Variants in PRR14L observed in about 807,000 individuals in gnomAD.
PRR14L encodes protein PRR14L.
Under a neutral mutation model 155.0 loss-of-function variants are expected in PRR14L, and 80 were observed. That is an observed-to-expected ratio of 0.52 (90% confidence interval 0.43 to 0.62). The LOEUF is 0.62. Among genes scored for constraint, PRR14L ranks in the 20% least tolerant of loss-of-function variants. The pLI, the probability that PRR14L is intolerant of heterozygous loss-of-function variation, is 0.00. For missense variants in PRR14L, 2,469 were observed against 2,548.0 expected (o/e 0.97, Z 0.67); for synonymous variants, 883 against 916.0 (o/e 0.96, Z 0.65).
Position 31,716,104 on chromosome 22 carries a change from C to A in PRR14L, c.1735G>T (p.Asp579Tyr). Residue 579 changes from aspartate to tyrosine, a missense_variant, in exon 4 of 9, where the codon GAT becomes TAT. Coordinates refer to ENST00000327423, the MANE Select transcript of PRR14L (RefSeq NM_173566.3). ...RKSIVSLMPEDQISPVSEVLK... is the reference protein window; with the variant it reads ...RKSIVSLMPEYQISPVSEVLK... Reference sequence around the variant, plus strand: ...ACCTCACTTACAGGACTTATTTGATCCTCTGGCATTAAACTCACAATGGAT... The same window carrying A: ...ACCTCACTTACAGGACTTATTTGATACTCTGGCATTAAACTCACAATGGAT... 6.4e-7 allele frequency: 1 copy of A among 1,551,164 alleles called. No individual in the cohort carries two copies. The highest frequency in any genetic ancestry group is 8.7e-7 in the Non-Finnish European group (1 of 1,146,846).
chr22:31,739,093 C>T (rs900478782), intron 1 of PRR14L, among the ~76,000 whole-genome samples, 182 bp from the exon 2 acceptor site: 18 of 152,166 alleles, frequency 1.2e-4, no homozygotes, highest in South Asian at 2.1e-4. Flanking sequence ...CCTTTAATAA[C>T]GTTTGAGATT....
At chr22:31,730,813 G>A (rs1035422578) in intron 2 of PRR14L, among the ~76,000 whole-genome samples, 2 of 152,088 alleles carry the variant, frequency 1.3e-5, no homozygotes, top group Non-Finnish European at 2.9e-5. Context: ...ATATTAATTG[G>A]AATTCTGTAA....
intron 4 of PRR14L, among the ~76,000 whole-genome samples, chr22:31,706,268 C>A (rs2074590532): frequency 6.8e-6 from 1 of 146,146 alleles, no homozygotes; most frequent in Admixed American, 7.0e-5. Flanking sequence ...GAGGGTGAGG[C>A]AGGAGAACTG....
intron 1 of PRR14L, among the ~76,000 whole-genome samples, chr22:31,745,936 T>C (rs947935792): frequency 2.0e-5 from 3 of 151,618 alleles, no homozygotes; most frequent in African/African-American, 7.3e-5. Flanking sequence ...TATCTGTATG[T>C]TGAACTTTTT....
intron 1 of PRR14L, among the ~76,000 whole-genome samples, chr22:31,740,224 T>G (rs987828699): frequency 2.0e-5 from 3 of 150,132 alleles, no homozygotes; most frequent in Non-Finnish European, 4.5e-5. Flanking sequence ...CCTGGCTAAT[T>G]TTTTTATTTT....
intron 6 of PRR14L, among the ~76,000 whole-genome samples, chr22:31,702,244 T>TA (rs1421323922): frequency 1.3e-5 from 2 of 152,190 alleles, no homozygotes; most frequent in African/African-American, 4.8e-5. Flanking sequence ...ATTTTTTTGA[T>TA]AGAGTTTTGT....
intron 1 of PRR14L, among the ~76,000 whole-genome samples, chr22:31,742,021 G>C (rs1462756286): frequency 6.6e-6 from 1 of 152,180 alleles, no homozygotes; most frequent in Admixed American, 6.6e-5. Context: ...GAGGTTAGTA[G>C]AGATAACGTG....
At chr22:31,702,638 C>T (rs2074568407) in intron 6 of PRR14L, among the ~76,000 whole-genome samples, 1 of 152,084 alleles carries the variant, frequency 6.6e-6, no homozygotes, top group South Asian at 2.1e-4. Context: ...GCCTCGGCCT[C>T]CAGAGTACCT....
rs570066750 is a variant in PRR14L, at chr22:31,698,579, A to C, written c.6107+3077T>G. On this transcript the variant is annotated intron_variant, in intron 7 of 8. Coordinates refer to ENST00000327423, the MANE Select transcript of PRR14L (RefSeq NM_173566.3). ...ATCATTGAGACTTATATAAATCAAT[A>C]GATTTAGTTCTGATTTTTACAATAA... Among the ~76,000 whole-genome samples the C allele has an allele frequency of 8.2e-4, 125 of 152,052 alleles. 1 individual carries two copies. In the South Asian group the frequency reaches 0.025, roughly 30 times the overall value.
In PRR14L at chr22:31,685,466, A is replaced by AC; in HGVS notation, c.*60dup. ...AAGGAGGTCCAAAAAAAAAAAAAAA[A>AC]CCCAAAAACAAAACAAAACAAAAAA... On this transcript the variant is annotated 3_prime_UTR_variant, in exon 9 of 9. Transcript: ENST00000327423. The AC allele has an allele frequency of 7.8e-7, 1 of 1,286,830 alleles. No individual in the cohort carries two copies. The highest frequency in any genetic ancestry group is 1.0e-6 in the Non-Finnish European group (1 of 969,118). 79.7% of individuals were successfully genotyped at this position (1,286,830 alleles called of 1,614,324 possible). A position where few individuals can be genotyped will look rare whatever the true frequency, so the allele number is the denominator to read the frequency against.
At chr22:31,688,906 A>ACACACACACACC (rs1044709133) in intron 7 of PRR14L, among the ~76,000 whole-genome samples, 4 of 151,240 alleles carry the variant, frequency 2.6e-5, no homozygotes, top group African/African-American at 9.7e-5. Flanking sequence ...ATACATACAC[A>ACACACACACACC]CACACACACA....
chr22:31,712,154 G>A lies in PRR14L; in HGVS notation c.5685C>T (p.Val1895=). 6.2e-7 allele frequency: 1 copy of A among 1,614,136 alleles called. No homozygotes were observed. The highest frequency in any genetic ancestry group is 8.5e-7 in the Non-Finnish European group (1 of 1,180,022). The change falls in exon 4 of 9, where the codon GTC becomes GTT. Residue 1895 remains valine (V), a synonymous_variant. Transcript: ENST00000327423. ...GAAGAGAAGAGATTTCGAAGGAGCAGACAGAAGGACCATGCTGGCTCCAAA... is the reference window on the plus strand; with the variant it reads ...GAAGAGAAGAGATTTCGAAGGAGCAAACAGAAGGACCATGCTGGCTCCAAA... ...LSIWSQHGPS[V]CSFEISSLHS... is the part of the protein sequence containing the mutation.
At chr22:31,706,718 G>C (rs1014868729) in intron 4 of PRR14L, among the ~76,000 whole-genome samples, 1 of 152,064 alleles carries the variant, frequency 6.6e-6, no homozygotes, top group Non-Finnish European at 1.5e-5. Flanking sequence ...CACAGTGCCC[G>C]GCCTGCTAGA....
At chr22:31,730,161 C>T (rs1258165500) in intron 2 of PRR14L, among the ~76,000 whole-genome samples, 5 of 151,304 alleles carry the variant, frequency 3.3e-5, no homozygotes, top group South Asian at 4.2e-4. Context: ...AAAAAATCGC[C>T]GGGCGCTGTG....
rs557632738 is a variant in PRR14L, at chr22:31,739,346, G to A, written c.-51-435C>T. On this transcript the variant is annotated intron_variant, in intron 1 of 8. Coordinates refer to ENST00000327423, the MANE Select transcript of PRR14L (RefSeq NM_173566.3). ...AGTACGTACTCGGCAAATATTTGTTGAATGAATATATACTGAGGAACTCTG... is the reference window on the plus strand; with the variant it reads ...AGTACGTACTCGGCAAATATTTGTTAAATGAATATATACTGAGGAACTCTG... 3.9e-5 allele frequency among the ~76,000 whole-genome samples: 6 copies of A among 152,258 alleles called. No individual in the cohort carries two copies. In the South Asian group the frequency reaches 6.2e-4, roughly 16 times the overall value.
At chr22:31,745,861 A>AAT (rs1398926635) in intron 1 of PRR14L, among the ~76,000 whole-genome samples, 1,398 of 132,286 alleles carry the variant, frequency 0.011, 5 homozygotes, top group Middle Eastern at 0.031. Context: ...AAAAAAAAAA[A>AAT]ATATATATAT....
chr22:31,734,098 G>A (rs958005644), intron 2 of PRR14L, among the ~76,000 whole-genome samples: 23 of 151,892 alleles, frequency 1.5e-4, no homozygotes, highest in African/African-American at 4.8e-4. Flanking sequence ...TCATCCTCCC[G>A]AATAGCTGGG....
intron 3 of PRR14L, among the ~76,000 whole-genome samples, chr22:31,724,213 T>A (rs1273301477): frequency 6.6e-6 from 1 of 152,214 alleles, no homozygotes; most frequent in Non-Finnish European, 1.5e-5. Flanking sequence ...TTATGGGAAG[T>A]TGTATAATTA....
chr22:31,720,947 T>C (rs890300703), intron 3 of PRR14L, among the ~76,000 whole-genome samples: 1 of 152,208 alleles, frequency 6.6e-6, no homozygotes, highest in Non-Finnish European at 1.5e-5. Flanking sequence ...TTGCCATTGT[T>C]CCTGATACCA....
Sources: gnomAD v4.1 joint callset for allele counts (sites outside exome capture counted in the v4.1 genomes callset) on GRCh38, gnomAD v4.1.1 for gene constraint, MANE v1.5 for transcripts, NCBI Gene and HGNC (gene_info 2026-07-23, HGNC 2026-07-21) for gene names.